ACYP2: variants seen among roughly 807,000 people sequenced by gnomAD.
ACYP2 encodes the protein acylphosphatase 2.
Under a neutral mutation model 11.2 loss-of-function variants are expected in ACYP2, and 12 were observed. The ratio of observed to expected loss-of-function variants is 1.08; its 90% CI spans 0.69 to 1.74. ACYP2 has a LOEUF of 1.74. Ranked by LOEUF, ACYP2 falls within the 40% of genes most tolerant of loss-of-function variation. ACYP2 has a pLI of 0.00. For missense variants in ACYP2, 134 were observed against 101.9 expected, an observed-to-expected ratio of 1.31 and a Z score of -1.35; for synonymous variants, 43 against 32.2, an observed-to-expected ratio of 1.33 and a Z score of -1.13.
rs115369442 is a variant in ACYP2 at position 54,186,443 on chromosome 2, G to A, written c.404+47695G>A. Among the ~76,000 whole-genome samples, 927 of 152,146 alleles carry A rather than the reference G, an allele frequency of 6.1e-3. 9 individuals are homozygous for A. The highest frequency in any genetic ancestry group is 0.021 in the African/African-American group (871 of 41,486). ...CTTTCCTTTCTTCCTATAATTACAC[G>A]TATAGAAATATGTACCTAGGAAATA... On this transcript the variant is annotated intron_variant, in intron 6 of 6. Coordinates refer to ENST00000607452, the MANE Select transcript of ACYP2 (RefSeq NM_001320586.2).
At chr2:54,159,096 TA>T (rs1183106985) in intron 6 of ACYP2, among the ~76,000 whole-genome samples, 1 of 151,988 alleles carries the variant, frequency 6.6e-6, no homozygotes, top group African/African-American at 2.4e-5. Flanking sequence ...TTTACTACTA[TA>T]AAACCACTCC....
intron 6 of ACYP2, among the ~76,000 whole-genome samples, chr2:54,286,045 G>C (rs1177740698): frequency 6.6e-6 from 1 of 152,178 alleles, no homozygotes; most frequent in Non-Finnish European, 1.5e-5. Context: ...ATTGTAAGTT[G>C]AAAATACTGT....
intron 2 of ACYP2, among the ~76,000 whole-genome samples, chr2:53,987,373 A>G (rs77763267): frequency 6.6e-6 from 1 of 151,756 alleles, no homozygotes; most frequent in Non-Finnish European, 1.5e-5. Flanking sequence ...AAAAAAAAAA[A>G]GGAAGCAGTT....
intron 2 of ACYP2, among the ~76,000 whole-genome samples, chr2:54,045,108 A>G (rs1487489599): frequency 6.6e-6 from 1 of 152,234 alleles, no homozygotes; most frequent in Admixed American, 6.5e-5. Context: ...GGTCCTGCAT[A>G]CCAATGAAAC....
chr2:54,124,739 C>T (rs896319293), intron 4 of ACYP2, among the ~76,000 whole-genome samples: 7 of 152,110 alleles, frequency 4.6e-5, no homozygotes, highest in Admixed American at 2.6e-4. Context: ...CTTGCTCTGT[C>T]ACCCAGGCTA....
intron 6 of ACYP2, among the ~76,000 whole-genome samples, chr2:54,208,809 A>G (rs900219923): frequency 2.6e-5 from 4 of 152,098 alleles, no homozygotes; most frequent in Non-Finnish European, 4.4e-5. Flanking sequence ...TCATAAATCA[A>G]ATTTTATGGG....
intron 2 of ACYP2, among the ~76,000 whole-genome samples, chr2:53,976,704 A>G (rs1421775319): frequency 1.3e-5 from 2 of 152,102 alleles, no homozygotes; most frequent in African/African-American, 4.8e-5. Context: ...TAAGTTTTGA[A>G]TTTTTCCTTC....
chr2:54,247,816 T>A (rs895157809), intron 6 of ACYP2, among the ~76,000 whole-genome samples: 2 of 152,196 alleles, frequency 1.3e-5, no homozygotes, highest in African/African-American at 4.8e-5. Context: ...CAGATAGACT[T>A]GGGTTAGAAT....
chr2:54,032,610 C>T (rs1043525852), intron 2 of ACYP2, among the ~76,000 whole-genome samples: 1 of 152,198 alleles, frequency 6.6e-6, no homozygotes, highest in Non-Finnish European at 1.5e-5. Context: ...GCAATTCAGG[C>T]TCTTTTTTGG....
chr2:54,282,245 G>T (rs954144125), intron 6 of ACYP2, among the ~76,000 whole-genome samples: 2 of 152,252 alleles, frequency 1.3e-5, no homozygotes, highest in African/African-American at 4.8e-5. Flanking sequence ...TATCTGTTAG[G>T]GTTAGAGATT....
chr2:54,197,081 GA>G (rs1008949979), intron 6 of ACYP2, among the ~76,000 whole-genome samples: 1 of 152,158 alleles, frequency 6.6e-6, no homozygotes, highest in Non-Finnish European at 1.5e-5. Flanking sequence ...GGAGCAAAAT[GA>G]GGCTTAGAGA....
chr2:54,304,501 TA>T (rs1689842986), intron 6 of ACYP2, among the ~76,000 whole-genome samples, 186 bp from the exon 4 acceptor site: 2 of 152,156 alleles, frequency 1.3e-5, no homozygotes, highest in South Asian at 4.1e-4. Flanking sequence ...CATCTGTATT[TA>T]ATTATACATT....
chr2:53,986,929 C>T (rs955441230), intron 2 of ACYP2, among the ~76,000 whole-genome samples: 1 of 152,062 alleles, frequency 6.6e-6, no homozygotes, highest in Non-Finnish European at 1.5e-5. Context: ...CCGACCAAAC[C>T]TCTTTTCTTT....
chr2:54,190,880 C>CCCTATATGAGCAAATG (rs1558600042), intron 6 of ACYP2, among the ~76,000 whole-genome samples: 1 of 151,998 alleles, frequency 6.6e-6, no homozygotes, highest in African/African-American at 2.4e-5. Context: ...ACCCAGTACT[C>CCCTATATGAGCAAATG]CCTATATGAG....
At chr2:54,251,678 C>A (rs1424055157) in intron 6 of ACYP2, among the ~76,000 whole-genome samples, 1 of 152,158 alleles carries the variant, frequency 6.6e-6, no homozygotes, top group African/African-American at 2.4e-5. Flanking sequence ...TTCAGAATGT[C>A]TTTCCAAGGC....
At chr2:54,137,841 C>A (rs528951434) in intron 5 of ACYP2, among the ~76,000 whole-genome samples, 2 of 152,144 alleles carry the variant, frequency 1.3e-5, no homozygotes, top group Non-Finnish European at 2.9e-5. Context: ...GTTTTTAGCT[C>A]TTTGAGGAAT....
At chr2:54,210,515 T>G (rs936391088) in intron 6 of ACYP2, among the ~76,000 whole-genome samples, 1 of 152,344 alleles carries the variant, frequency 6.6e-6, no homozygotes, top group Middle Eastern at 3.4e-3. Context: ...TGGGTGACTC[T>G]GCTTTGTTGA....
chr2:54,301,456 A>G (rs1313982744), intron 6 of ACYP2, among the ~76,000 whole-genome samples: 1 of 151,878 alleles, frequency 6.6e-6, no homozygotes, highest in African/African-American at 2.4e-5. Context: ...GGCCATTTTT[A>G]TTATTTTCCA....
chr2:54,019,686 C>G (rs1256419444), intron 2 of ACYP2, among the ~76,000 whole-genome samples: 2 of 151,912 alleles, frequency 1.3e-5, no homozygotes. Flanking sequence ...GTGGCGTGAT[C>G]TCAGCTCACT....
Sources: gnomAD v4.1 joint callset for allele counts (sites outside exome capture counted in the v4.1 genomes callset) on GRCh38, gnomAD v4.1.1 for gene constraint, MANE v1.5 for transcripts, NCBI Gene and HGNC (gene_info 2026-07-23, HGNC 2026-07-21) for gene names.